PCDH9: variants seen among roughly 807,000 people sequenced by gnomAD.
PCDH9 encodes the protein protocadherin 9.
Under a neutral mutation model 70.6 loss-of-function variants are expected in PCDH9, and 24 were observed. That is an observed-to-expected ratio of 0.34 (90% CI 0.25 to 0.48). The LOEUF (loss-of-function observed/expected upper bound fraction) is 0.48. Ranked by LOEUF, PCDH9 falls within the 20% of genes least tolerant of loss-of-function variation. The pLI, the probability that PCDH9 is intolerant of heterozygous loss-of-function variation, is 0.99. For missense variants in PCDH9, 1,281 were observed against 1,503.6 expected (o/e 0.85, Z 2.45); for synonymous variants, 562 against 558.5 (o/e 1.01, Z -0.09).
In PCDH9 at chr13:66,567,122, T is replaced by C. The variant is rs78227522; in HGVS notation, c.3340+64088A>G. On this transcript the variant is annotated intron_variant, in intron 4 of 4. Transcript: ENST00000377865. The stretch of plus-strand genomic sequence containing the variant: ...TTAGCCAGTCCTAAAGGAAAAGTCT[T>C]ATTGAATTCAGTGCCATTCAGTTTA... 4.4e-3 allele frequency among the ~76,000 whole-genome samples: 671 copies of C among 152,250 alleles called. 27 individuals carry two copies. The East Asian group carries it at 0.085, about 19-fold the overall frequency.
At chr13:66,784,891 T>A (rs2080055589) in intron 3 of PCDH9, among the ~76,000 whole-genome samples, 1 of 152,160 alleles carries the variant, frequency 6.6e-6, no homozygotes, top group African/African-American at 2.4e-5. Flanking sequence ...TCTTACTTTA[T>A]AAACTATAGA....
chr13:66,542,261 G>A (rs141040821), intron 4 of PCDH9, among the ~76,000 whole-genome samples: 3 of 152,200 alleles, frequency 2.0e-5, no homozygotes, highest in African/African-American at 7.2e-5. Flanking sequence ...TTGATCAGCA[G>A]AATATACCAA....
intron 3 of PCDH9, among the ~76,000 whole-genome samples, chr13:66,723,119 G>A (rs1168714798): frequency 6.6e-6 from 1 of 151,872 alleles, no homozygotes; most frequent in African/African-American, 2.4e-5. Context: ...GCTTGAGTAA[G>A]TTAGCATTGC....
intron 3 of PCDH9, among the ~76,000 whole-genome samples, chr13:66,797,897 G>A (rs996096763): frequency 6.6e-6 from 1 of 151,432 alleles, no homozygotes; most frequent in Non-Finnish European, 1.5e-5. Context: ...ACTAAAACAT[G>A]GTGTCCTCAG....
At chr13:67,183,621 G>A (rs2088673661) in intron 2 of PCDH9, among the ~76,000 whole-genome samples, 1 of 152,012 alleles carries the variant, frequency 6.6e-6, no homozygotes, top group South Asian at 2.1e-4. Flanking sequence ...AACCAAATAA[G>A]ATATGATGAA....
At chr13:66,824,692 A>ATATATATATATATATATG (rs1316094273) in intron 3 of PCDH9, among the ~76,000 whole-genome samples, 2 of 131,066 alleles carry the variant, frequency 1.5e-5, no homozygotes, top group African/African-American at 6.1e-5. Context: ...ATATATATAT[A>ATATATATATATATATATG]TATATGCACA....
intron 4 of PCDH9, among the ~76,000 whole-genome samples, chr13:66,617,611 TAA>T (rs1207140775): frequency 6.6e-6 from 1 of 152,006 alleles, no homozygotes; most frequent in Non-Finnish European, 1.5e-5. Context: ...GGCAAAACAG[TAA>T]AGTTTTTTTA....
chr13:66,767,255 G>A (rs547124907), intron 3 of PCDH9, among the ~76,000 whole-genome samples: 1 of 151,132 alleles, frequency 6.6e-6, no homozygotes, highest in South Asian at 2.1e-4. Context: ...CAAAGGGAAG[G>A]TTTTATCTGG....
intron 3 of PCDH9, among the ~76,000 whole-genome samples, chr13:66,883,020 T>G (rs1462454312): frequency 1.3e-5 from 2 of 152,126 alleles, no homozygotes; most frequent in Non-Finnish European, 2.9e-5. Flanking sequence ...CAGATAAAAT[T>G]AAATACTTTT....
At chr13:67,160,352 T>C (rs2138414551) in intron 2 of PCDH9, among the ~76,000 whole-genome samples, 1 of 152,256 alleles carries the variant, frequency 6.6e-6, no homozygotes, top group African/African-American at 2.4e-5. Context: ...GAGACCATCC[T>C]GGCGAACACG....
At chr13:66,530,109 T>A (rs951141009) in intron 4 of PCDH9, among the ~76,000 whole-genome samples, 1 of 152,094 alleles carries the variant, frequency 6.6e-6, no homozygotes, top group African/African-American at 2.4e-5. Context: ...AGAAATGATA[T>A]CTCTGCTTCC....
intron 2 of PCDH9, among the ~76,000 whole-genome samples, chr13:67,160,501 C>G (rs1388944004): frequency 6.6e-6 from 1 of 151,712 alleles, no homozygotes; most frequent in Non-Finnish European, 1.5e-5. Context: ...GAGCTGAGAT[C>G]GCGCCACTGC....
At chr13:66,722,489 T>C (rs748046376) in intron 3 of PCDH9, among the ~76,000 whole-genome samples, 2 of 152,112 alleles carry the variant, frequency 1.3e-5, no homozygotes, top group Non-Finnish European at 2.9e-5. Context: ...CCAGGGTCAC[T>C]CCTTACACTA....
intron 3 of PCDH9, among the ~76,000 whole-genome samples, chr13:66,862,111 T>C (rs562517807): frequency 6.6e-4 from 101 of 152,334 alleles, no homozygotes; most frequent in African/African-American, 2.4e-3. Flanking sequence ...TAAACAGTAT[T>C]AGCAGCATGG....
intron 4 of PCDH9, among the ~76,000 whole-genome samples, chr13:66,521,535 A>G (rs541751610): frequency 6.6e-6 from 1 of 152,296 alleles, no homozygotes; most frequent in African/African-American, 2.4e-5. Flanking sequence ...ACTACCTTTC[A>G]GTAGGAGCAC....
At chr13:67,033,890 A>G (rs2084956485) in intron 2 of PCDH9, among the ~76,000 whole-genome samples, 1 of 152,232 alleles carries the variant, frequency 6.6e-6, no homozygotes, top group Non-Finnish European at 1.5e-5. Flanking sequence ...TATTCACGGA[A>G]GACAGTGAGG....
intron 3 of PCDH9, among the ~76,000 whole-genome samples, chr13:66,735,919 G>A (rs972981475): frequency 9.2e-5 from 14 of 151,690 alleles, no homozygotes; most frequent in Non-Finnish European, 1.6e-4. Flanking sequence ...AGCTGAGATT[G>A]TGCCACTGCA....
chr13:66,315,250 C>T (rs942472805), intron 4 of PCDH9, among the ~76,000 whole-genome samples: 2 of 152,210 alleles, frequency 1.3e-5, no homozygotes, highest in East Asian at 1.9e-4. Context: ...AACAGTCTAG[C>T]TCAGCTGACA....
intron 2 of PCDH9, among the ~76,000 whole-genome samples, chr13:67,142,934 C>T (rs902599985): frequency 7.9e-5 from 12 of 151,714 alleles, no homozygotes; most frequent in African/African-American, 2.2e-4. Context: ...GCTTGAACCC[C>T]GGAGGCGGAG....
Sources: allele counts gnomAD v4.1 joint callset (sites outside exome capture counted in the v4.1 genomes callset), GRCh38; gene constraint gnomAD v4.1.1; transcripts MANE v1.5; gene names NCBI Gene and HGNC (gene_info 2026-07-23, HGNC 2026-07-21).